ADCY1: variants seen among roughly 807,000 people sequenced by gnomAD.
ADCY1 encodes adenylate cyclase type 1.
In ADCY1, 28 loss-of-function variants were observed where a neutral mutation model predicts 105.4. The ratio of observed to expected loss-of-function variants is 0.27; its 90% CI spans 0.20 to 0.36. ADCY1 has a LOEUF of 0.36. Ranked by LOEUF, ADCY1 falls within the 10% of genes least tolerant of loss-of-function variation. The probability of loss-of-function intolerance (pLI) is 1.00; values close to 1 mark genes in which losing one functional copy is unlikely to be tolerated. For missense variants in ADCY1, 977 were observed against 1,434.2 expected, an observed-to-expected ratio of 0.68 and a Z score of 5.15; for synonymous variants, 655 against 623.8, an observed-to-expected ratio of 1.05 and a Z score of -0.75.
At chr7:45,606,075 C>T (rs538384083) in intron 2 of ADCY1, among the ~76,000 whole-genome samples, 100 of 152,310 alleles carry the variant, frequency 6.6e-4, no homozygotes, top group African/African-American at 2.3e-3. Context: ...GGGAGGGCTC[C>T]TTCTTACTGC....
chr7:45,684,927 G>C, intron 11 of ADCY1, 52 bp from the exon 12 acceptor site: 1 of 1,524,400 alleles, frequency 6.6e-7, no homozygotes, highest in South Asian at 1.1e-5. Context: ...CTGTGCACGT[G>C]AATCACCTTG....
At chr7:45,649,080 A>T (rs1008562151) in intron 5 of ADCY1, among the ~76,000 whole-genome samples, 5 of 151,660 alleles carry the variant, frequency 3.3e-5, no homozygotes, top group Non-Finnish European at 7.4e-5. Context: ...CATGAGTCAT[A>T]CAAAAATAAA....
intron 1 of ADCY1, among the ~76,000 whole-genome samples, chr7:45,581,841 A>G (rs944638457): frequency 1.3e-5 from 2 of 152,148 alleles, no homozygotes; most frequent in East Asian, 3.9e-4. Flanking sequence ...ATACACACAC[A>G]TAAACACACA....
chr7:45,639,163 T>G (rs942320623), intron 4 of ADCY1, among the ~76,000 whole-genome samples: 4 of 152,228 alleles, frequency 2.6e-5, no homozygotes, highest in African/African-American at 9.6e-5. Flanking sequence ...CATGTTTGCC[T>G]TAGTCTCGAT....
At chr7:45,626,054 A>G (rs1247051238) in intron 4 of ADCY1, among the ~76,000 whole-genome samples, 1 of 152,202 alleles carries the variant, frequency 6.6e-6, no homozygotes, top group East Asian at 1.9e-4. Flanking sequence ...ACCAGCCCCT[A>G]ATGCGAGGCT....
At chr7:45,648,326 T>G (rs905952269) in intron 4 of ADCY1, among the ~76,000 whole-genome samples, 1 of 152,170 alleles carries the variant, frequency 6.6e-6, no homozygotes, top group Non-Finnish European at 1.5e-5. Context: ...TAAAGGGAGT[T>G]GGGGAAGATG....
Position 45,592,912 on chromosome 7 carries a change from A to C in ADCY1, c.789+4A>C. The C allele has an allele frequency of 6.2e-7, 1 of 1,614,172 alleles. No individual in the cohort carries two copies. Among genetic ancestry groups the C allele is most frequent in the South Asian group, 1.1e-5 (1 of 91,088 alleles). Reference sequence around the variant, plus strand: ...GGAGGATGAGAACGAGAAGCAGGTCAGTGGCTTGGGCCAGTCAGCCTAGAG... The same window carrying C: ...GGAGGATGAGAACGAGAAGCAGGTCCGTGGCTTGGGCCAGTCAGCCTAGAG... On this transcript the variant is annotated splice_donor_region_variant and intron_variant, in intron 2 of 19. Transcript: ENST00000297323.
In ADCY1 at chr7:45,592,797, G is replaced by T. The variant is rs1792963236; in HGVS notation, c.678G>T (p.Met226Ile). 1.2e-6 allele frequency: 2 copies of T among 1,614,232 alleles called. No individual in the cohort carries two copies. Among genetic ancestry groups the T allele is most frequent in the East Asian group, 4.5e-5 (2 of 44,884 alleles). ...ANALLFVGVN[M>I]YGVFVRILTE... is the part of the protein sequence containing the mutation. ...CCTTGCTCTTCGTCGGTGTGAACAT[G>T]TATGGGGTCTTTGTGCGGATTCTGA... The change falls in exon 2 of 20, where the codon ATG becomes ATT. Residue 226 changes from methionine (M) to isoleucine (I), a missense_variant. Met to Ile is a conservative substitution (Grantham distance 10, BLOSUM62 1). Coordinates refer to ENST00000297323, the MANE Select transcript of ADCY1 (RefSeq NM_021116.4).
At position 45,704,868 on chromosome 7, in the gene ADCY1, C is replaced by T. The variant is rs537714345; in HGVS notation, c.2817+252C>T. On this transcript the variant is annotated intron_variant, in intron 17 of 19. Coordinates refer to ENST00000297323, the MANE Select transcript of ADCY1 (RefSeq NM_021116.4). ...CTGCTAGACACCTCCCCCTAGAACC[C>T]TCACCCTGCCCCTGCTCCATTACCT... 2.6e-5 allele frequency among the ~76,000 whole-genome samples: 4 copies of T among 152,160 alleles called. No homozygotes were observed. The South Asian group carries it at 8.3e-4, about 32-fold the overall frequency.
intron 2 of ADCY1, among the ~76,000 whole-genome samples, chr7:45,607,254 C>T (rs1793402279): frequency 6.6e-6 from 1 of 152,072 alleles, no homozygotes; most frequent in South Asian, 2.1e-4. Flanking sequence ...CCAGGGTAGA[C>T]ACTTTATGGT....
At chr7:45,580,542 A>G (rs912694747) in intron 1 of ADCY1, among the ~76,000 whole-genome samples, 2 of 152,140 alleles carry the variant, frequency 1.3e-5, no homozygotes, top group African/African-American at 4.8e-5. Context: ...AATAACTCAC[A>G]CTGTAGTCCC....
At chr7:45,648,526 C>G (rs1453694372) in intron 4 of ADCY1, 144 bp from the exon 5 acceptor site, 23 of 1,079,122 alleles carry the variant, frequency 2.1e-5, no homozygotes, top group African/African-American at 3.1e-5. Flanking sequence ...AAGGGTGTGG[C>G]CTGGGCGGGA....
intron 5 of ADCY1, among the ~76,000 whole-genome samples, chr7:45,651,305 G>A (rs1220731333): frequency 6.6e-6 from 1 of 152,090 alleles, no homozygotes; most frequent in Non-Finnish European, 1.5e-5. Context: ...TGCTCTGCAC[G>A]GCCGGCCTTC....
rs779099760 is a variant in ADCY1, at chr7:45,592,852, C to G, written c.733C>G (p.Gln245Glu). Residue 245 changes from glutamine (Q) to glutamate (E), a missense_variant, in exon 2 of 20, where the codon CAG becomes GAG. Coordinates refer to ENST00000297323, the MANE Select transcript of ADCY1 (RefSeq NM_021116.4). Reference protein sequence around the residue: ...TERSQRKAFLQARSCIEDRLR... With the variant: ...TERSQRKAFLEARSCIEDRLR... ...GCGTTCACAGAGGAAGGCGTTCCTG[C>G]AGGCCCGGAGCTGCATTGAGGACCG... 2.5e-6 allele frequency: 4 copies of G among 1,614,222 alleles called. No homozygotes were observed. Among genetic ancestry groups the G allele is most frequent in the Non-Finnish European group, 3.4e-6 (4 of 1,180,044 alleles).
intron 10 of ADCY1, 99 bp from the exon 11 acceptor site, chr7:45,679,610 A>G: frequency 1.7e-6 from 2 of 1,160,922 alleles, no homozygotes; most frequent in South Asian, 1.3e-5. Context: ...TCCTGAGAGC[A>G]CAGGGGATGT....
intron 8 of ADCY1, among the ~76,000 whole-genome samples, chr7:45,677,520 C>G (rs1177850099): frequency 6.6e-6 from 1 of 152,152 alleles, no homozygotes; most frequent in Admixed American, 6.5e-5. Context: ...TCTTGTAACT[C>G]TGGGGAATCT....
intron 4 of ADCY1, among the ~76,000 whole-genome samples, chr7:45,628,605 GT>G (rs1794133526): frequency 6.6e-6 from 1 of 152,126 alleles, no homozygotes; most frequent in South Asian, 2.1e-4. Flanking sequence ...CTGTGTTTTG[GT>G]GTCTTTAGGA....
chr7:45,610,449 C>T lies in ADCY1; in HGVS notation c.860C>T (p.Pro287Leu), dbSNP rs1793502893. 1 of 1,614,032 alleles carries T rather than the reference C, an allele frequency of 6.2e-7. No individual in the cohort carries two copies. Among genetic ancestry groups the T allele is most frequent in the Non-Finnish European group, 8.5e-7 (1 of 1,179,998 alleles). The change falls in exon 3 of 20, where the codon CCT becomes CTT. Residue 287 changes from proline (P) to leucine (L), a missense_variant. By Grantham distance (98) the Pro-to-Leu change is moderately conservative (BLOSUM62 -3). Around this residue, in one of 7 missense-constraint regions of ADCY1, gnomAD observed 196 missense variants for 347.8 expected, o/e 0.56. Transcript: ENST00000297323. Reference protein sequence around the residue: ...MEMKEDFLKPPERIFHKIYIQ... With the variant: ...MEMKEDFLKPLERIFHKIYIQ... ...ATGAAGGAGGACTTCCTGAAGCCCC[C>T]TGAGAGGATTTTCCACAAGATTTAC...
chr7:45,643,132 A>G (rs1316973817), intron 4 of ADCY1, among the ~76,000 whole-genome samples: 1 of 125,994 alleles, frequency 7.9e-6, no homozygotes, highest in Non-Finnish European at 1.7e-5. Context: ...TTTTTTTTTT[A>G]AGGTCAGTCA....
Sources: gnomAD v4.1 joint callset for allele counts (sites outside exome capture counted in the v4.1 genomes callset) on GRCh38, gnomAD v4.1.1 for gene constraint, gnomAD v4.1.1 regional missense constraint, MANE v1.5 for transcripts, NCBI Gene and HGNC (gene_info 2026-07-23, HGNC 2026-07-21) for gene names.